UTS2B: variants seen among roughly 807,000 people sequenced by gnomAD.
UTS2B encodes the protein urotensin-2B.
UTS2B carries 21 observed loss-of-function variants against 19.2 expected under a neutral mutation model. That is an observed-to-expected ratio of 1.09 (90% CI 0.78 to 1.58). The LOEUF (loss-of-function observed/expected upper bound fraction) is 1.58. Among genes scored for constraint, UTS2B ranks in the 40% most tolerant of loss-of-function variants. The pLI, the probability that UTS2B is intolerant of heterozygous loss-of-function variation, is 0.00. For synonymous variants in UTS2B, 57 were observed against 50.2 expected, an observed-to-expected ratio of 1.14 and a Z score of -0.58; for missense variants, 138 against 130.3, an observed-to-expected ratio of 1.06 and a Z score of -0.29.
At chr3:191,339,328 CAAAT>C in the UTS2B span, among the ~76,000 whole-genome samples, 1 of 152,146 alleles carries the variant, frequency 6.6e-6, no homozygotes, top group Non-Finnish European at 1.5e-5. Context: ...CTACGAAAAA[CAAAT>C]GTATCCTTCA....
intron 8 of UTS2B, 131 bp downstream of exon 8, chr3:191,275,114 ATATTTTT>A: frequency 1.7e-6 from 1 of 578,874 alleles, no homozygotes; most frequent in East Asian, 2.8e-5. Flanking sequence ...TTATTGGAAT[ATATTTTT>A]TTAATATGAG....
chr3:191,269,009 G>A (rs1048769382), intron 8 of UTS2B, among the ~76,000 whole-genome samples: 3 of 152,168 alleles, frequency 2.0e-5, no homozygotes, highest in African/African-American at 7.2e-5. Context: ...TGATTCTTCA[G>A]AGAAATCAAA....
At chr3:191,287,162 T>C (rs1360502471) in intron 4 of UTS2B, among the ~76,000 whole-genome samples, 1 of 152,110 alleles carries the variant, frequency 6.6e-6, no homozygotes, top group Non-Finnish European at 1.5e-5. Context: ...ATAGCTTCAT[T>C]GCTGAATTCA....
chr3:191,273,739 C>G (rs560297715), intron 8 of UTS2B, among the ~76,000 whole-genome samples: 1 of 152,366 alleles, frequency 6.6e-6, no homozygotes, highest in East Asian at 1.9e-4. Flanking sequence ...GTACTTTCTT[C>G]TCCTCCAGTT....
At chr3:191,296,389 A>T (rs1200901187) in intron 4 of UTS2B, among the ~76,000 whole-genome samples, 2 of 151,944 alleles carry the variant, frequency 1.3e-5, no homozygotes, top group African/African-American at 4.8e-5. Context: ...AGAGCCTTTC[A>T]CTCCACTGTG....
chr3:191,295,367 G>A (rs1177732657), intron 4 of UTS2B, among the ~76,000 whole-genome samples: 1 of 151,878 alleles, frequency 6.6e-6, no homozygotes, highest in Non-Finnish European at 1.5e-5. Context: ...ACAACGACCT[G>A]CTCCTTGGAA....
chr3:191,268,978 C>T (rs1035449158), intron 8 of UTS2B, among the ~76,000 whole-genome samples: 1 of 152,166 alleles, frequency 6.6e-6, no homozygotes, highest in Non-Finnish European at 1.5e-5. Flanking sequence ...CACATTTAGT[C>T]CTCCCATTCT....
At chr3:191,268,944 T>C (rs1716015513) in intron 8 of UTS2B, among the ~76,000 whole-genome samples, 1 of 152,222 alleles carries the variant, frequency 6.6e-6, no homozygotes, top group South Asian at 2.1e-4. Context: ...CACAAAATGA[T>C]ATTTAAATAA....
chr3:191,288,117 T>C lies in UTS2B; in HGVS notation c.-124-5804A>G, dbSNP rs61510545. ...CCTGTATACTGACAACAACAAAACA[T>C]TGATGAAAGACACAAGCAAATGGAA... On this transcript the variant is annotated intron_variant, in intron 4 of 8. Coordinates refer to ENST00000340524, the MANE Select transcript of UTS2B (RefSeq NM_198152.5). Among the ~76,000 whole-genome samples, 361 of 152,244 alleles carry C rather than the reference T, an allele frequency of 2.4e-3. 6 individuals carry two copies. The highest frequency in any genetic ancestry group is 7.8e-3 in the African/African-American group (324 of 41,556).
Position 191,322,442 on chromosome 3 carries a change from G to A in UTS2B, c.-585-6003C>T, listed in dbSNP as rs554544178. Among the ~76,000 whole-genome samples the A allele has an allele frequency of 1.1e-4, 16 of 152,326 alleles. 1 individual carries two copies. Among genetic ancestry groups the A allele is most frequent in the African/African-American group, 2.6e-4 (11 of 41,578 alleles). ...TAAAAGGAGAATGAGATTGATCTCC[G>A]TGTTAGCAACATGGAAGTCACTGCT... On this transcript the variant is annotated intron_variant, in intron 2 of 8. Transcript: ENST00000340524.
At chr3:191,296,159 A>G (rs1483737324) in intron 4 of UTS2B, among the ~76,000 whole-genome samples, 4 of 152,104 alleles carry the variant, frequency 2.6e-5, no homozygotes, top group African/African-American at 9.7e-5. Context: ...CAATTCAACC[A>G]CAAATACCCT....
intron 1 of UTS2B, among the ~76,000 whole-genome samples, chr3:191,329,951 G>GC (rs1321358658): frequency 7.3e-6 from 1 of 137,214 alleles, no homozygotes; most frequent in Non-Finnish European, 1.6e-5. Flanking sequence ...TTGGGGGGGG[G>GC]GGGGGCTAGC....
chr3:191,270,637 T>C (rs868855813), intron 8 of UTS2B, among the ~76,000 whole-genome samples: 2 of 152,318 alleles, frequency 1.3e-5, no homozygotes, highest in Middle Eastern at 3.4e-3. Flanking sequence ...TTTTCTATTG[T>C]CAGTGGTTCC....
At chr3:191,339,798 G>A in the UTS2B span, among the ~76,000 whole-genome samples, 1 of 152,206 alleles carries the variant, frequency 6.6e-6, no homozygotes, top group African/African-American at 2.4e-5. Context: ...GACTCTGTGA[G>A]AACTATTAGT....
chr3:191,328,936 G>T (rs1470353444), intron 1 of UTS2B: 1 of 152,228 alleles, frequency 6.6e-6, no homozygotes, highest in Non-Finnish European at 1.5e-5. Context: ...TCTGTACGTT[G>T]TATTTGGGGT....
At chr3:191,274,802 T>A (rs1050972742) in intron 8 of UTS2B, among the ~76,000 whole-genome samples, 2 of 152,184 alleles carry the variant, frequency 1.3e-5, no homozygotes, top group African/African-American at 2.4e-5. Flanking sequence ...TAGGAAAAAT[T>A]ATCCAAAAGC....
rs1295152602 is a variant in UTS2B, at chr3:191,328,688, G to C, written c.-643C>G. On this transcript the variant is annotated 5_prime_UTR_variant, in exon 2 of 9. Coordinates refer to ENST00000340524, the MANE Select transcript of UTS2B (RefSeq NM_198152.5). Reference sequence around the variant, plus strand: ...AAAGGAGGATGCATTCTGTTGCCAGGAGATGAAACAGGAGAGGTTGTCTAT... The same window carrying C: ...AAAGGAGGATGCATTCTGTTGCCAGCAGATGAAACAGGAGAGGTTGTCTAT... 6.6e-6 allele frequency: 1 copy of C among 152,226 alleles called. No homozygotes were observed. The highest frequency in any genetic ancestry group is 1.5e-5 in the Non-Finnish European group (1 of 68,102). The allele number at this position is 152,226 out of a possible 1,614,324, so 9.4% of individuals were successfully genotyped here.
intron 8 of UTS2B, among the ~76,000 whole-genome samples, chr3:191,268,830 T>C (rs1345258456): frequency 6.6e-6 from 1 of 152,158 alleles, no homozygotes; most frequent in African/African-American, 2.4e-5. Context: ...TTGAGGTAAC[T>C]GATATACCAA....
At chr3:191,286,293 A>T (rs993296008) in intron 4 of UTS2B, among the ~76,000 whole-genome samples, 2 of 152,336 alleles carry the variant, frequency 1.3e-5, no homozygotes, top group East Asian at 3.9e-4. Context: ...TAACAAACAT[A>T]TATAGGACAT....
Sources: allele counts gnomAD v4.1 joint callset (sites outside exome capture counted in the v4.1 genomes callset), GRCh38; gene constraint gnomAD v4.1.1; transcripts MANE v1.5; gene names NCBI Gene and HGNC (gene_info 2026-07-23, HGNC 2026-07-21).